The following FYN variants were observed in gnomAD, a reference collection of about 807,000 sequenced individuals.
FYN encodes the protein FYN proto-oncogene, Src family tyrosine kinase.
Under a neutral mutation model 70.2 loss-of-function variants are expected in FYN, and 10 were observed. The ratio of observed to expected loss-of-function variants is 0.14; its 90% CI spans 0.09 to 0.24. The LOEUF (loss-of-function observed/expected upper bound fraction) is 0.24. Among genes scored for constraint, FYN ranks in the 10% least tolerant of loss-of-function variants. The probability of loss-of-function intolerance (pLI) is 1.00; values close to 1 mark genes in which losing one functional copy is unlikely to be tolerated. For synonymous variants in FYN, 236 were observed against 248.6 expected (o/e 0.95, Z 0.48); for missense variants, 319 against 673.1 (o/e 0.47, Z 5.82).
chr6:111,729,618 T>C (rs1486903578), intron 3 of FYN, among the ~76,000 whole-genome samples: 1 of 152,208 alleles, frequency 6.6e-6, no homozygotes, highest in Non-Finnish European at 1.5e-5. Context: ...GTTAGTTGTT[T>C]AGCATGAGGG....
At chr6:111,677,778 G>A (rs967952010) in intron 12 of FYN, among the ~76,000 whole-genome samples, 4 of 152,134 alleles carry the variant, frequency 2.6e-5, no homozygotes, top group South Asian at 2.1e-4. Flanking sequence ...ACAGAACAAC[G>A]GAGAAAACAT....
chr6:111,835,069 C>T (rs1773135511), intron 2 of FYN, among the ~76,000 whole-genome samples: 1 of 152,132 alleles, frequency 6.6e-6, no homozygotes, highest in African/African-American at 2.4e-5. Context: ...TGGATTTATT[C>T]TATTTCAGGA....
chr6:111,789,076 A>T (rs1291519871), intron 2 of FYN, among the ~76,000 whole-genome samples: 1 of 152,164 alleles, frequency 6.6e-6, no homozygotes, highest in East Asian at 1.9e-4. Flanking sequence ...ATGAATAGAA[A>T]AAGAGATAAG....
intron 5 of FYN, among the ~76,000 whole-genome samples, chr6:111,711,573 G>C (rs1562485117): frequency 6.6e-6 from 1 of 152,216 alleles, no homozygotes; most frequent in Non-Finnish European, 1.5e-5. Context: ...GGTGTATGTT[G>C]TACTTTAACA....
chr6:111,684,843 T>C (rs775124403), intron 12 of FYN, among the ~76,000 whole-genome samples: 1 of 152,200 alleles, frequency 6.6e-6, no homozygotes, highest in African/African-American at 2.4e-5. Context: ...GACTGTGTTA[T>C]GGAGGCTTAT....
At chr6:111,821,047 G>A (rs896252955) in intron 2 of FYN, among the ~76,000 whole-genome samples, 7 of 152,258 alleles carry the variant, frequency 4.6e-5, no homozygotes, top group African/African-American at 1.7e-4. Flanking sequence ...CCTCTGTACT[G>A]TCTGAATTTT....
At chr6:111,681,887 T>C (rs1798796686) in intron 12 of FYN, among the ~76,000 whole-genome samples, 1 of 152,052 alleles carries the variant, frequency 6.6e-6, no homozygotes, top group Non-Finnish European at 1.5e-5. Flanking sequence ...CAAGTGTAGA[T>C]GACAGAACTG....
intron 2 of FYN, among the ~76,000 whole-genome samples, chr6:111,824,896 T>G (rs951612419): frequency 6.6e-5 from 10 of 152,220 alleles, no homozygotes; most frequent in Non-Finnish European, 1.2e-4. Flanking sequence ...AATGCATTTG[T>G]CAAAAAGAAT....
At chr6:111,778,070 A>T (rs1771020986) in intron 3 of FYN, among the ~76,000 whole-genome samples, 1 of 152,164 alleles carries the variant, frequency 6.6e-6, no homozygotes, top group East Asian at 1.9e-4. Context: ...GAAGCAATGC[A>T]CCCTCTGTGC....
chr6:111,762,838 CCTG>C (rs1803062940), intron 3 of FYN, among the ~76,000 whole-genome samples: 1 of 152,010 alleles, frequency 6.6e-6, no homozygotes, highest in Non-Finnish European at 1.5e-5. Flanking sequence ...ATATCTGCCA[CCTG>C]CCACCACAGG....
intron 3 of FYN, among the ~76,000 whole-genome samples, chr6:111,726,098 C>T (rs887682136): frequency 2.7e-4 from 41 of 152,194 alleles, no homozygotes; most frequent in African/African-American, 9.9e-4. Context: ...CCTGAATGAA[C>T]CTGGAAATGG....
At chr6:111,784,500 A>G (rs1230394165) in intron 2 of FYN, among the ~76,000 whole-genome samples, 1 of 152,208 alleles carries the variant, frequency 6.6e-6, no homozygotes, top group African/African-American at 2.4e-5. Flanking sequence ...ACATTTGCAC[A>G]TTTCCAACAG....
intron 2 of FYN, among the ~76,000 whole-genome samples, chr6:111,826,651 A>C (rs1772843135): frequency 6.6e-6 from 1 of 152,198 alleles, no homozygotes; most frequent in Non-Finnish European, 1.5e-5. Flanking sequence ...TCTTGCTTGC[A>C]TTTCCAATTC....
intron 3 of FYN, among the ~76,000 whole-genome samples, chr6:111,736,917 G>A (rs1801734767): frequency 6.6e-6 from 1 of 152,178 alleles, no homozygotes; most frequent in Non-Finnish European, 1.5e-5. Context: ...TCTTATAGAA[G>A]AGACTGATTA....
chr6:111,853,904 T>C (rs986297457), intron 1 of FYN, among the ~76,000 whole-genome samples: 2 of 152,134 alleles, frequency 1.3e-5, no homozygotes, highest in African/African-American at 4.8e-5. Context: ...ATTCAGCCAT[T>C]GTGGGAAGTG....
intron 12 of FYN, among the ~76,000 whole-genome samples, chr6:111,686,872 T>G (rs1023109397): frequency 5.9e-5 from 9 of 152,028 alleles, no homozygotes; most frequent in African/African-American, 2.2e-4. Context: ...GCTGGAAAGC[T>G]GGCGCTCTGA....
chr6:111,733,588 G>T (rs1432904863), intron 3 of FYN, among the ~76,000 whole-genome samples: 1 of 152,154 alleles, frequency 6.6e-6, no homozygotes, highest in East Asian at 1.9e-4. Context: ...TCACTCTGAA[G>T]TTCTGGAGCC....
At chr6:111,666,118 C>T (rs934076048) in intron 13 of FYN, among the ~76,000 whole-genome samples, 3 of 150,878 alleles carry the variant, frequency 2.0e-5, no homozygotes, top group Admixed American at 6.6e-5. Context: ...TCTCATGCCT[C>T]AGCCTCCTGA....
At chr6:111,727,307 G>A (rs998810222) in intron 3 of FYN, among the ~76,000 whole-genome samples, 4 of 152,140 alleles carry the variant, frequency 2.6e-5, no homozygotes, top group African/African-American at 9.7e-5. Flanking sequence ...CATGGCAAGG[G>A]TATTCATAAG....
Sources: allele counts gnomAD v4.1 joint callset (sites outside exome capture counted in the v4.1 genomes callset), GRCh38; gene constraint gnomAD v4.1.1; transcripts MANE v1.5; gene names NCBI Gene and HGNC (gene_info 2026-07-23, HGNC 2026-07-21).